The following IL12RB1 variants were observed in gnomAD, a reference collection of about 807,000 sequenced individuals.
IL12RB1 encodes the protein interleukin 12 receptor subunit beta 1.
A neutral mutation model predicts 94.4 loss-of-function variants in IL12RB1; 64 were observed. The ratio of observed to expected loss-of-function variants is 0.68; its 90% CI spans 0.55 to 0.83. The LOEUF (loss-of-function observed/expected upper bound fraction) is 0.83, where lower values mean the gene tolerates loss of function less well. Ranked by LOEUF, IL12RB1 falls within the 40% of genes least tolerant of loss-of-function variation. IL12RB1 has a pLI of 0.00. For missense variants in IL12RB1, 814 were observed against 855.6 expected (o/e 0.95, Z 0.61); for synonymous variants, 362 against 355.5 (o/e 1.02, Z -0.21).
intron 13 of IL12RB1, among the ~76,000 whole-genome samples, chr19:18,062,511 G>A (rs2034216280): frequency 6.6e-6 from 1 of 152,156 alleles, no homozygotes; most frequent in Non-Finnish European, 1.5e-5. Context: ...AGTGACTCAT[G>A]ACTGTTATCC....
intron 15 of IL12RB1, among the ~76,000 whole-genome samples, chr19:18,060,593 G>A (rs573873194): frequency 6.6e-6 from 1 of 152,174 alleles, no homozygotes; most frequent in South Asian, 2.1e-4. Context: ...CACAGATGGT[G>A]TGGTTGACAG....
rs540843985 is a variant in IL12RB1 at position 18,098,208 on chromosome 19, G to T, written c.-230+547C>A. Among the ~76,000 whole-genome samples the T allele has an allele frequency of 3.0e-4, 46 of 152,284 alleles. 1 individual carries two copies. The highest frequency in any genetic ancestry group is 1.1e-3 in the African/African-American group (44 of 41,554). On this transcript the variant is annotated intron_variant, in intron 1 of 4. Coordinates refer to the IL12RB1 transcript ENST00000594176. ...GCGATGTATTAATATGAGTTCATAT[G>T]TATTAATACCTCCTTGGGTCGTCGC...
At chr19:18,064,998 C>T (rs2034476011) in intron 12 of IL12RB1, among the ~76,000 whole-genome samples, 1 of 152,316 alleles carries the variant, frequency 6.6e-6, no homozygotes, top group South Asian at 2.1e-4. Context: ...GAAGTTACTA[C>T]CTTCATCCTA....
At chr19:18,068,017 CTTT>C (rs1216685125) in intron 11 of IL12RB1, among the ~76,000 whole-genome samples, 87 of 59,852 alleles carry the variant, frequency 1.5e-3, no homozygotes, top group African/African-American at 5.7e-3. Context: ...CAGCATTGTC[CTTT>C]TTTTTTTTTT....
At chr19:18,095,134 C>T (rs1404830335) in intron 1 of IL12RB1, among the ~76,000 whole-genome samples, 1 of 149,736 alleles carries the variant, frequency 6.7e-6, no homozygotes, top group African/African-American at 2.5e-5. Flanking sequence ...AGCCAAGATC[C>T]CGCGACTGCA....
At chr19:18,063,089 T>C in intron 13 of IL12RB1, among the ~76,000 whole-genome samples, 3 of 49,088 alleles carry the variant, frequency 6.1e-5, no homozygotes, top group Non-Finnish European at 1.7e-4. Context: ...TTTTTTTTTT[T>C]TTTTTTTTTT....
intron 13 of IL12RB1, among the ~76,000 whole-genome samples, chr19:18,063,296 C>T (rs1402155218): frequency 6.6e-6 from 1 of 151,690 alleles, no homozygotes; most frequent in Non-Finnish European, 1.5e-5. Context: ...TGAGGTCTCA[C>T]CATGTTGCCC....
Position 18,059,502 on chromosome 19 carries a change from G to A in IL12RB1, c.*106C>T. The A allele has an allele frequency of 1.4e-6, 1 of 737,038 alleles. No homozygotes were observed. The highest frequency in any genetic ancestry group is 2.5e-6 in the Non-Finnish European group (1 of 395,134). 45.7% of individuals were successfully genotyped at this position (737,038 alleles called of 1,614,324 possible). ...CAGGCACGGGGCAGAGAGGAGGCAG[G>A]TGCACTGGAGCCTGGAGGAGCTCTG... On this transcript the variant is annotated 3_prime_UTR_variant, in exon 17 of 17. Transcript: ENST00000593993.
Position 18,075,883 on chromosome 19 carries a change from G to T in IL12RB1, c.581-15C>A. On this transcript the variant is annotated splice_polypyrimidine_tract_variant and intron_variant, in intron 6 of 16. Coordinates refer to ENST00000593993, the MANE Select transcript of IL12RB1 (RefSeq NM_005535.3). Reference sequence around the variant, plus strand: ...GAGGCAGGACTCTGGGGAGAGGCAGGTCGAACATCAGGCCGTAAGAATTGT... The same window carrying T: ...GAGGCAGGACTCTGGGGAGAGGCAGTTCGAACATCAGGCCGTAAGAATTGT... The T allele has an allele frequency of 6.2e-7, 1 of 1,612,482 alleles. No individual in the cohort carries two copies. The highest frequency in any genetic ancestry group is 8.5e-7 in the Non-Finnish European group (1 of 1,178,606).
chr19:18,082,322 T>G lies in IL12RB1; in HGVS notation c.125-58A>C, dbSNP rs1382863725. ...CAGAGTCTGGAGGGGTCTTCGTGCC[T>G]AAGACAAATCTTTGTGATGCTTACA... On this transcript the variant is annotated intron_variant, in intron 2 of 16. Coordinates refer to ENST00000593993, the MANE Select transcript of IL12RB1 (RefSeq NM_005535.3). The G allele has an allele frequency of 3.1e-6, 3 of 980,228 alleles. No individual in the cohort carries two copies. The East Asian group carries it at 7.6e-5, about 25-fold the overall frequency. The allele number at this position is 980,228 out of a possible 1,614,324, so 60.7% of individuals were successfully genotyped here.
At position 18,086,838 on chromosome 19, in the gene IL12RB1, G is replaced by GC; in HGVS notation, c.-16dup. The GC allele has an allele frequency of 6.2e-7, 1 of 1,605,082 alleles. No individual in the cohort carries two copies. The highest frequency in any genetic ancestry group is 8.5e-7 in the Non-Finnish European group (1 of 1,176,026). ...AGCGGCTCCATCGGATCCACGTAGAGCCCCACAGCCCCAGGGGAGCCTCTC... is the reference window on the plus strand; with the variant it reads ...AGCGGCTCCATCGGATCCACGTAGAGCCCCCACAGCCCCAGGGGAGCCTCTC... On this transcript the variant is annotated 5_prime_UTR_variant, in exon 1 of 17. Transcript: ENST00000593993.
chr19:18,064,140 T>TTC (rs1250076760), intron 12 of IL12RB1, 130 bp from the exon 13 acceptor site: 11 of 363,082 alleles, frequency 3.0e-5, no homozygotes, highest in South Asian at 5.9e-5. Flanking sequence ...CTTTCTTTCT[T>TTC]TTTTTTTTTT....
At chr19:18,079,590 T>C (rs559751104) in intron 4 of IL12RB1, among the ~76,000 whole-genome samples, 184 of 152,210 alleles carry the variant, frequency 1.2e-3, no homozygotes, top group African/African-American at 4.2e-3. Flanking sequence ...GGTGCCTAGA[T>C]ATTCGACTTT....
chr19:18,093,331 A>AAT (rs574892319), intron 1 of IL12RB1, among the ~76,000 whole-genome samples: 3,545 of 121,162 alleles, frequency 0.029, 76 homozygotes, highest in East Asian at 0.058. Context: ...AAAAAACACA[A>AAT]ATATATATAT....
intron 4 of IL12RB1, among the ~76,000 whole-genome samples, chr19:18,077,932 G>A (rs570078182): frequency 1.3e-5 from 2 of 152,260 alleles, no homozygotes; most frequent in African/African-American, 4.8e-5. Context: ...GGGCAACATA[G>A]TGAGACCCCC....
intron 15 of IL12RB1, among the ~76,000 whole-genome samples, chr19:18,060,448 C>A (rs1261775334): frequency 2.6e-5 from 4 of 152,152 alleles, no homozygotes; most frequent in Non-Finnish European, 5.9e-5. Context: ...CACTGCACTC[C>A]AGGCTGGGTG....
rs770391620 is a variant in IL12RB1 at position 18,059,584 on chromosome 19, C to T, written c.*24G>A. On this transcript the variant is annotated 3_prime_UTR_variant, in exon 17 of 17. Transcript: ENST00000593993. ...GTGCTACGTAGCCTCGGGCGAGTCACTCACCCTCTCTGAGCCTCAACGATC... is the reference window on the plus strand; with the variant it reads ...GTGCTACGTAGCCTCGGGCGAGTCATTCACCCTCTCTGAGCCTCAACGATC... 6 of 780,200 alleles carry T rather than the reference C, an allele frequency of 7.7e-6. No individual in the cohort carries two copies. Among genetic ancestry groups the T allele is most frequent in the Non-Finnish European group, 1.4e-5 (6 of 417,744 alleles). The allele number at this position is 780,200 out of a possible 1,614,324, so 48.3% of individuals were successfully genotyped here. A position where few individuals can be genotyped will look rare whatever the true frequency, so the allele number is the denominator to read the frequency against.
At chr19:18,098,414 C>G (rs2037202289) in intron 1 of IL12RB1, among the ~76,000 whole-genome samples, 1 of 152,178 alleles carries the variant, frequency 6.6e-6, no homozygotes, top group South Asian at 2.1e-4. Flanking sequence ...CAAGGCGCTG[C>G]CAACCAGCAG....
Position 18,077,357 on chromosome 19 carries a change from G to A in IL12RB1, c.549+159C>T, listed in dbSNP as rs377445808. ...AGCCTGGGCGACAGAGCAAGGCTCC[G>A]TCTCAGAAAAAAAAAAAGAAAAAGA... On this transcript the variant is annotated intron_variant, in intron 5 of 16. Coordinates refer to ENST00000593993, the MANE Select transcript of IL12RB1 (RefSeq NM_005535.3). 7.3e-5 allele frequency among the ~76,000 whole-genome samples: 11 copies of A among 151,078 alleles called. No individual in the cohort carries two copies. In the East Asian group the frequency reaches 1.6e-3, roughly 21 times the overall value.
Sources: gnomAD v4.1 joint callset for allele counts (sites outside exome capture counted in the v4.1 genomes callset) on GRCh38, gnomAD v4.1.1 for gene constraint, MANE v1.5 for transcripts, NCBI Gene and HGNC (gene_info 2026-07-23, HGNC 2026-07-21) for gene names.